USP36: variants seen among roughly 807,000 people sequenced by gnomAD.
USP36 encodes ubiquitin carboxyl-terminal hydrolase 36.
In USP36, 59 loss-of-function variants were observed where a neutral mutation model predicts 111.5. The ratio of observed to expected loss-of-function variants is 0.53; its 90% CI spans 0.43 to 0.66. The LOEUF (loss-of-function observed/expected upper bound fraction) is 0.66, where lower values mean the gene tolerates loss of function less well. USP36 is among the 30% of genes least tolerant of loss of function. The pLI is 0.00. For synonymous variants in USP36, 628 were observed against 581.0 expected (o/e 1.08, Z -1.16); for missense variants, 1,488 against 1,468.0 (o/e 1.01, Z -0.22).
At chr17:78,788,848 G>A (rs1186172281) in intron 3 of USP36, among the ~76,000 whole-genome samples, 1 of 152,138 alleles carries the variant, frequency 6.6e-6, no homozygotes, top group Non-Finnish European at 1.5e-5. Flanking sequence ...TCTTGCCAGA[G>A]GTGGGGACGG....
rs2093795795 is a variant in USP36, at chr17:78,803,016, G to A, written c.2810+369C>T. On this transcript the variant is annotated intron_variant, in intron 16 of 20. Transcript: ENST00000449938. The surrounding 1 kb of genome is among the most constrained non-coding windows in gnomAD (Gnocchi z 4.6). ...TGCAGTGACGCGATCTCAGCTCACT[G>A]CAACCTCCACCTCCTGGGCTCAAAC... Among the ~76,000 whole-genome samples the A allele has an allele frequency of 6.6e-6, 1 of 152,028 alleles. No individual in the cohort carries two copies. Among genetic ancestry groups the A allele is most frequent in the African/African-American group, 2.4e-5 (1 of 41,372 alleles).
chr17:78,807,418 T>A lies in USP36; in HGVS notation c.1626A>T (p.Pro542=). 5 of 1,614,134 alleles carry A rather than the reference T, an allele frequency of 3.1e-6. No individual in the cohort carries two copies. The highest frequency in any genetic ancestry group is 4.2e-6 in the Non-Finnish European group (5 of 1,180,012). ...GAGCAGTTCTGGGGGAAAAGTGCTG[T>A]GGAGGAGCTGGCTTCTTCACCTTCT... ...PGKKVKKPAP[P]QHFSPRTAQG... The change falls in exon 14 of 21, where the codon CCA becomes CCT. Residue 542 remains proline (P), a synonymous_variant. Coordinates refer to ENST00000449938, the MANE Select transcript of USP36 (RefSeq NM_001385174.1).
chr17:78,802,246 G>A lies in USP36; in HGVS notation c.3022+78C>T, dbSNP rs1357193713. 1.6e-5 allele frequency: 17 copies of A among 1,045,550 alleles called. No homozygotes were observed. The East Asian group carries it at 3.1e-4, about 19-fold the overall frequency. The allele number at this position is 1,045,550 out of a possible 1,614,324, so 64.8% of individuals were successfully genotyped here. A position where few individuals can be genotyped will look rare whatever the true frequency, so the allele number is the denominator to read the frequency against. On this transcript the variant is annotated intron_variant, in intron 17 of 20. Transcript: ENST00000449938. Reference sequence around the variant, plus strand: ...CATGCGGTCCCCCAACCCCTCGCCCGGTGCACACCCATGCGGTCCCCCAAC... The same window carrying A: ...CATGCGGTCCCCCAACCCCTCGCCCAGTGCACACCCATGCGGTCCCCCAAC...
chr17:78,824,611 A>C (rs2067370538), intron 6 of USP36, among the ~76,000 whole-genome samples: 1 of 152,268 alleles, frequency 6.6e-6, no homozygotes, highest in South Asian at 2.1e-4. Flanking sequence ...ATATCCAAAG[A>C]AATTTGAGAA....
chr17:78,802,627 C>T, intron 16 of USP36, 92 bp from the exon 17 acceptor site: 1 of 1,302,042 alleles, frequency 7.7e-7, no homozygotes, highest in African/African-American at 1.5e-5. Context: ...GGAGAAGGTG[C>T]CACCCCAGCT....
At chr17:78,806,813 C>A (rs2093914480) in intron 14 of USP36, 146 bp downstream of exon 14, 1 of 1,174,880 alleles carries the variant, frequency 8.5e-7, no homozygotes. Flanking sequence ...TTGCAAATGG[C>A]TGGGAACGAC....
rs1491126850 is a variant in USP36, at chr17:78,789,197, C to CG, written c.*21-1540_*21-1539insC. Among the ~76,000 whole-genome samples the CG allele has an allele frequency of 6.1e-5, 4 of 65,878 alleles. No homozygotes were observed. The East Asian group carries it at 1.7e-3, about 28-fold the overall frequency. 43.2% of individuals were successfully genotyped at this position (65,878 alleles called of 152,430 possible). On this transcript the variant is annotated intron_variant, in intron 3 of 3. Coordinates refer to the USP36 transcript ENST00000588130. ...GGGCAACAAGAGAGAAACTTGGTCC[C>CG]AAAAAAAAAAAAAAAAAAAAAAAGG...
At chr17:78,808,287 G>C (rs1399301952) in intron 13 of USP36, among the ~76,000 whole-genome samples, 6 of 152,168 alleles carry the variant, frequency 3.9e-5, no homozygotes, top group Non-Finnish European at 8.8e-5. Context: ...CTGTTGCCCA[G>C]GCTGGAGTGC....
At chr17:78,835,695 C>T (rs2068598793) in intron 3 of USP36, among the ~76,000 whole-genome samples, 194 bp from the exon 4 acceptor site, 1 of 152,166 alleles carries the variant, frequency 6.6e-6, no homozygotes, top group Admixed American at 6.5e-5. Flanking sequence ...CCACGGACCT[C>T]CTAGGCTGCT....
intron 14 of USP36, 126 bp from the exon 15 acceptor site, chr17:78,806,412 CAGA>C (rs1401924007): frequency 2.3e-6 from 3 of 1,300,016 alleles, no homozygotes; most frequent in Non-Finnish European, 3.1e-6. Flanking sequence ...GATGAGGAGA[CAGA>C]AGAAGACAAA....
rs2093666169 is a variant in USP36 at position 78,798,436 on chromosome 17, A to T, written c.3356T>A (p.Leu1119His). 6.2e-7 allele frequency: 1 copy of T among 1,614,178 alleles called. No individual in the cohort carries two copies. ...GGGGCACAGTCAGCGGCGATAGCTG[A>T]GGCTGGCAGCCTTTGCTGGGTGAGT... Reference protein sequence around the residue: ...SVTHPAKAASLSYRR With the variant: ...SVTHPAKAASHSYRR The change falls in exon 20 of 21, where the codon CTC becomes CAC. Residue 1119 changes from leucine to histidine, a missense_variant. By Grantham distance (99) the Leu-to-His change is moderately conservative. This residue lies in a region of USP36 where 1,073 missense variants were observed against 994.1 expected (regional missense o/e 1.08). Transcript: ENST00000449938. This position sits in a 1 kb window ranked among gnomAD's most constrained non-coding sequence, Gnocchi z 5.1.
intron 3 of USP36, among the ~76,000 whole-genome samples, chr17:78,789,199 A>AG (rs1449942808): frequency 3.6e-4 from 45 of 124,888 alleles, no homozygotes; most frequent in Middle Eastern, 7.3e-3. Flanking sequence ...CTTGGTCCCA[A>AG]AAAAAAAAAA....
chr17:78,807,403 G>C lies in USP36; in HGVS notation c.1641C>G (p.Pro547=), dbSNP rs753599299. ...TCCCAGGCAGCCCCTGAGCAGTTCT[G>C]GGGGAAAAGTGCTGTGGAGGAGCTG... ...KKPAPPQHFS[P]RTAQGLPGTS... Residue 547 remains proline, a synonymous_variant, in exon 14 of 21, where the codon CCC becomes CCG. Transcript: ENST00000449938. 2 of 1,614,152 alleles carry C rather than the reference G, an allele frequency of 1.2e-6. No individual in the cohort carries two copies. Among genetic ancestry groups the C allele is most frequent in the Admixed American group, 3.3e-5 (2 of 60,016 alleles).
chr17:78,807,401 C>G lies in USP36; in HGVS notation c.1643G>C (p.Arg548Thr), dbSNP rs112790707. 86 of 1,614,166 alleles carry G rather than the reference C, an allele frequency of 5.3e-5. 5 individuals are homozygous for G. In the African/African-American group the frequency reaches 5.3e-4, roughly 10 times the overall value. The change falls in exon 14 of 21, where the codon AGA (arginine) becomes ACA (threonine). Residue 548 changes from arginine (R) to threonine (T), a missense_variant. Arg to Thr is a moderately conservative substitution (Grantham distance 71, BLOSUM62 -1). Transcript: ENST00000449938. The part of the protein sequence containing the change: ...KPAPPQHFSP[R>T]TAQGLPGTSN... ...GGTCCCAGGCAGCCCCTGAGCAGTT[C>G]TGGGGGAAAAGTGCTGTGGAGGAGC...
chr17:78,815,918 G>A (rs534357886), intron 10 of USP36, among the ~76,000 whole-genome samples: 26 of 151,592 alleles, frequency 1.7e-4, no homozygotes, highest in East Asian at 3.9e-4. Context: ...ACATGCATAC[G>A]CACACATACA....
chr17:78,802,231 C>G (rs995449766), intron 17 of USP36, 93 bp downstream of exon 17: 1 of 1,399,986 alleles, frequency 7.1e-7, no homozygotes, highest in Non-Finnish European at 9.5e-7. Flanking sequence ...CATGCGGTCC[C>G]CCAACCCCTC....
At chr17:78,823,409 C>A (rs1016923295) in intron 6 of USP36, among the ~76,000 whole-genome samples, 3 of 152,182 alleles carry the variant, frequency 2.0e-5, no homozygotes, top group African/African-American at 7.2e-5. Context: ...ACAAGGAATC[C>A]CCTCTTGCAT....
At position 78,830,942 on chromosome 17, in the gene USP36, A is replaced by G. The variant is rs191334267; in HGVS notation, c.476-1935T>C. On this transcript the variant is annotated intron_variant, in intron 4 of 20. Transcript: ENST00000449938. ...AAAATTATGTCATTTAAAAGAAAAT[A>G]CAGGCCAGATGCAGTGGCTCACGCC... Among the ~76,000 whole-genome samples the G allele has an allele frequency of 4.0e-3, 601 of 152,088 alleles. 1 individual carries two copies. The highest frequency in any genetic ancestry group is 7.7e-3 in the Admixed American group (118 of 15,228).
intron 8 of USP36, among the ~76,000 whole-genome samples, chr17:78,820,399 A>G (rs2094291143): frequency 6.6e-6 from 1 of 152,190 alleles, no homozygotes; most frequent in Non-Finnish European, 1.5e-5. Context: ...AGAGGTCAAC[A>G]CTACAGTGAG....
Sources: allele counts gnomAD v4.1 joint callset (sites outside exome capture counted in the v4.1 genomes callset), GRCh38; gene constraint gnomAD v4.1.1; regional missense constraint gnomAD v4.1.1; non-coding constraint Gnocchi (gnomAD v3.1); transcripts MANE v1.5; gene names NCBI Gene and HGNC (gene_info 2026-07-23, HGNC 2026-07-21).